The following ZBBX variants were observed in gnomAD, a reference collection of about 807,000 sequenced individuals.
ZBBX encodes the protein zinc finger B-box domain-containing protein 1.
Under a neutral mutation model 108.5 loss-of-function variants are expected in ZBBX, and 101 were observed. The ratio of observed to expected loss-of-function variants is 0.93; its 90% CI spans 0.79 to 1.10. The LOEUF is 1.10. Ranked by LOEUF, ZBBX falls within the 50% of genes least tolerant of loss-of-function variation. The pLI is 0.00. For synonymous variants in ZBBX, 356 were observed against 323.4 expected (o/e 1.10, Z -1.08); for missense variants, 1,009 against 941.4 (o/e 1.07, Z -0.94).
At chr3:167,198,863 T>G in the ZBBX span, among the ~76,000 whole-genome samples, 1 of 152,184 alleles carries the variant, frequency 6.6e-6, no homozygotes. Flanking sequence ...GGTCTTTAAT[T>G]CAGTTTAAAA....
At chr3:167,275,318 G>A (rs1727325862) in intron 20 of ZBBX, among the ~76,000 whole-genome samples, 1 of 152,220 alleles carries the variant, frequency 6.6e-6, no homozygotes, top group East Asian at 1.9e-4. Context: ...ACAGCTCCCA[G>A]CGTGAGCGAC....
intron 8 of ZBBX, among the ~76,000 whole-genome samples, chr3:167,358,321 G>C (rs1743929505): frequency 6.6e-6 from 1 of 151,728 alleles, no homozygotes; most frequent in Admixed American, 6.6e-5. Context: ...ATGAGGTAGA[G>C]TAGTCAAATT....
intron 20 of ZBBX, among the ~76,000 whole-genome samples, chr3:167,270,410 C>A (rs983316039): frequency 6.6e-6 from 1 of 152,156 alleles, no homozygotes; most frequent in African/African-American, 2.4e-5. Flanking sequence ...CTGACCATCT[C>A]CTGTGGACTT....
At chr3:167,276,248 T>G (rs957240360) in intron 20 of ZBBX, among the ~76,000 whole-genome samples, 1 of 152,198 alleles carries the variant, frequency 6.6e-6, no homozygotes, top group African/African-American at 2.4e-5. Flanking sequence ...GGAGAATGAC[T>G]TTGACGAGCT....
intron 17 of ZBBX, among the ~76,000 whole-genome samples, chr3:167,299,181 A>C (rs551619949): frequency 2.0e-5 from 3 of 152,116 alleles, no homozygotes; most frequent in Admixed American, 1.3e-4. Context: ...AGGTTATAGT[A>C]TAATCAGAGT....
At chr3:167,184,960 T>C in the ZBBX span, among the ~76,000 whole-genome samples, 34 of 152,290 alleles carry the variant, frequency 2.2e-4, no homozygotes, top group East Asian at 6.2e-3. Flanking sequence ...ATGTTACAAT[T>C]AGGGGACACT....
At chr3:167,237,629 T>C (rs1015578893), downstream of ZBBX, among the ~76,000 whole-genome samples, 22 of 151,900 alleles carry the variant, frequency 1.4e-4, no homozygotes, top group African/African-American at 5.1e-4. Context: ...TATTTCCTCA[T>C]TAGACTAATG....
At chr3:167,339,471 T>A (rs912406519) in intron 9 of ZBBX, among the ~76,000 whole-genome samples, 4 of 152,134 alleles carry the variant, frequency 2.6e-5, no homozygotes, top group Admixed American at 2.0e-4. Flanking sequence ...GGGAACTACA[T>A]CACCAAGAAG....
intron 6 of ZBBX, among the ~76,000 whole-genome samples, chr3:167,364,893 CTCTTAG>C (rs1413237493): frequency 6.6e-6 from 1 of 151,872 alleles, no homozygotes; most frequent in African/African-American, 2.4e-5. Flanking sequence ...TTTATGCTGT[CTCTTAG>C]TCAATCCAGC....
chr3:167,372,911 C>T lies in ZBBX; in HGVS notation c.-10G>A, dbSNP rs1279094223. The T allele has an allele frequency of 1.3e-6, 2 of 1,580,186 alleles. No individual in the cohort carries two copies. The highest frequency in any genetic ancestry group is 1.7e-6 in the Non-Finnish European group (2 of 1,166,936). ...AATCTTTTCTGTTCATGATTACCAC[C>T]TTAATATTGTCTAAAAGTTATTCTG... On this transcript the variant is annotated 5_prime_UTR_variant, in exon 4 of 22. Transcript: ENST00000675490.
chr3:167,288,018 T>C lies in ZBBX; in HGVS notation c.1996+849A>G, dbSNP rs767444229. Reference sequence around the variant, plus strand: ...CTTTAAACCAAGGCAAATAGCCCCCTTTCTCAGGTATTCCTCCTAAACTGT... The same window carrying C: ...CTTTAAACCAAGGCAAATAGCCCCCCTTCTCAGGTATTCCTCCTAAACTGT... On this transcript the variant is annotated intron_variant, in intron 19 of 21. Transcript: ENST00000675490. Among the ~76,000 whole-genome samples, 9 of 152,256 alleles carry C rather than the reference T, an allele frequency of 5.9e-5. 1 individual carries two copies. The highest frequency in any genetic ancestry group is 1.3e-4 in the Admixed American group (2 of 15,280).
At position 167,359,867 on chromosome 3, in the gene ZBBX, T is replaced by A; in HGVS notation, c.432+3A>T. The A allele has an allele frequency of 1.4e-6, 2 of 1,434,454 alleles. No individual in the cohort carries two copies. The highest frequency in any genetic ancestry group is 1.9e-6 in the Non-Finnish European group (2 of 1,042,568). The allele number at this position is 1,434,454 out of a possible 1,614,324, so 88.9% of individuals were successfully genotyped here. A position where few individuals can be genotyped will look rare whatever the true frequency, so the allele number is the denominator to read the frequency against. On this transcript the variant is annotated splice_donor_region_variant and intron_variant, in intron 8 of 21. Coordinates refer to ENST00000675490, the MANE Select transcript of ZBBX (RefSeq NM_001199201.2). Reference sequence around the variant, plus strand: ...ATGTATATATACTATATAACGTACATACCAGTAGAGCAGCTTTGTTCTCAC... The same window carrying A: ...ATGTATATATACTATATAACGTACAAACCAGTAGAGCAGCTTTGTTCTCAC...
At chr3:167,284,150 T>G (rs1232587818) in intron 19 of ZBBX, among the ~76,000 whole-genome samples, 1 of 150,480 alleles carries the variant, frequency 6.6e-6, no homozygotes, top group Non-Finnish European at 1.5e-5. Context: ...ATAAAAATAA[T>G]GGGCTAAAAT....
At chr3:167,358,231 A>G (rs1455746814) in intron 8 of ZBBX, among the ~76,000 whole-genome samples, 2 of 152,082 alleles carry the variant, frequency 1.3e-5, no homozygotes, top group Non-Finnish European at 2.9e-5. Flanking sequence ...TCATTCCACA[A>G]TATGAATAAG....
intron 16 of ZBBX, among the ~76,000 whole-genome samples, chr3:167,309,097 T>C (rs1734151418): frequency 6.6e-6 from 1 of 152,224 alleles, no homozygotes; most frequent in African/African-American, 2.4e-5. Flanking sequence ...ACTCATCTTT[T>C]AATTTGCATG....
At chr3:167,380,866 GCACACACACACACACA>G (rs59349359), upstream of ZBBX, among the ~76,000 whole-genome samples, 1 of 141,340 alleles carries the variant, frequency 7.1e-6, no homozygotes, top group Non-Finnish European at 1.5e-5. Context: ...GCAAATATAT[GCACACACACACACACA>G]CACACACACA....
chr3:167,348,161 G>A lies in ZBBX; in HGVS notation c.528+2259C>T, dbSNP rs1215327833. ...TTAAGTGTTCTTACCATGAAAGAAG[G>A]AAAGAGAGAAAGAGAGAAAAAGAAG... On this transcript the variant is annotated intron_variant, in intron 9 of 21. Transcript: ENST00000675490. 7.0e-5 allele frequency among the ~76,000 whole-genome samples: 10 copies of A among 142,990 alleles called. No homozygotes were observed. The Admixed American group carries it at 7.3e-4, about 10-fold the overall frequency. The allele number at this position is 142,990 out of a possible 152,430, so 93.8% of individuals were successfully genotyped here.
At chr3:167,195,823 A>AG in the ZBBX span, among the ~76,000 whole-genome samples, 1 of 152,160 alleles carries the variant, frequency 6.6e-6, no homozygotes, top group Admixed American at 6.5e-5. Context: ...CTAATCAAAA[A>AG]CTGTCACAAG....
intron 14 of ZBBX, among the ~76,000 whole-genome samples, chr3:167,316,730 T>C (rs896868256): frequency 6.6e-6 from 1 of 152,066 alleles, no homozygotes; most frequent in African/African-American, 2.4e-5. Flanking sequence ...ACTACATATC[T>C]ATAAGTTAAA....
Sources: allele counts gnomAD v4.1 joint callset (sites outside exome capture counted in the v4.1 genomes callset), GRCh38; gene constraint gnomAD v4.1.1; transcripts MANE v1.5; gene names NCBI Gene and HGNC (gene_info 2026-07-23, HGNC 2026-07-21).